Variants in DYNC1I1 observed in about 807,000 individuals in gnomAD.
DYNC1I1 encodes the protein cytoplasmic dynein 1 intermediate chain 1.
Under a neutral mutation model 86.6 loss-of-function variants are expected in DYNC1I1, and 43 were observed. That is an observed-to-expected ratio of 0.50 (90% CI 0.39 to 0.64). DYNC1I1 has a LOEUF of 0.64. DYNC1I1 is among the 30% of genes least tolerant of loss of function. The pLI, the probability that DYNC1I1 is intolerant of heterozygous loss-of-function variation, is 0.00. For missense variants in DYNC1I1, 604 were observed against 788.8 expected (o/e 0.77, Z 2.81); for synonymous variants, 262 against 283.7 (o/e 0.92, Z 0.77).
At chr7:96,043,896 G>A (rs1789132177) in intron 14 of DYNC1I1, among the ~76,000 whole-genome samples, 1 of 151,994 alleles carries the variant, frequency 6.6e-6, no homozygotes, top group Non-Finnish European at 1.5e-5. Flanking sequence ...TTTTAGTAGA[G>A]ATGGGGTTTC....
Position 96,079,233 on chromosome 7 carries a change from G to A in DYNC1I1, c.1651-1130G>A, listed in dbSNP as rs1271055840. The stretch of plus-strand genomic sequence containing the variant: ...AATAACAAAATGCCGGTGGTGCTAA[G>A]CCACAGTACATGTTGTGTTTCCATT... On this transcript the variant is annotated intron_variant, in intron 15 of 16. Coordinates refer to ENST00000447467, the MANE Select transcript of DYNC1I1 (RefSeq NM_001135556.2). Among the ~76,000 whole-genome samples the A allele has an allele frequency of 3.3e-5, 5 of 152,192 alleles. No homozygotes were observed. The East Asian group carries it at 9.7e-4, about 29-fold the overall frequency.
chr7:95,912,036 C>T (rs1291589343), intron 6 of DYNC1I1, among the ~76,000 whole-genome samples: 1 of 151,896 alleles, frequency 6.6e-6, no homozygotes, highest in Non-Finnish European at 1.5e-5. Flanking sequence ...ACTTGAACAT[C>T]ATTTTTTTTT....
At chr7:96,060,459 G>A (rs1025856165) in intron 14 of DYNC1I1, among the ~76,000 whole-genome samples, 1 of 152,180 alleles carries the variant, frequency 6.6e-6, no homozygotes, top group African/African-American at 2.4e-5. Context: ...CCCTCAAGAA[G>A]GAAACCCACA....
intron 5 of DYNC1I1, among the ~76,000 whole-genome samples, chr7:95,828,439 C>T (rs1189235137): frequency 2.0e-5 from 3 of 152,132 alleles, no homozygotes; most frequent in African/African-American, 7.2e-5. Flanking sequence ...ATATGTTTGG[C>T]TTTATCATCA....
At chr7:95,905,688 C>A (rs1208247327) in intron 6 of DYNC1I1, among the ~76,000 whole-genome samples, 2 of 150,982 alleles carry the variant, frequency 1.3e-5, no homozygotes, top group African/African-American at 4.9e-5. Context: ...ACTAACGCCC[C>A]ATTGTGTCTG....
intron 14 of DYNC1I1, among the ~76,000 whole-genome samples, chr7:96,053,759 G>A (rs145077332): frequency 7.6e-4 from 116 of 151,840 alleles, no homozygotes; most frequent in African/African-American, 2.6e-3. Context: ...TTTTAGAATA[G>A]GATATTGCTT....
intron 14 of DYNC1I1, among the ~76,000 whole-genome samples, chr7:96,069,036 T>A (rs547843200): frequency 1.3e-5 from 2 of 152,260 alleles, no homozygotes; most frequent in Admixed American, 6.5e-5. Flanking sequence ...TTCCAGGCCC[T>A]GATACAACCA....
At chr7:96,012,935 T>A (rs1159043653) in intron 10 of DYNC1I1, among the ~76,000 whole-genome samples, 1 of 152,100 alleles carries the variant, frequency 6.6e-6, no homozygotes, top group African/African-American at 2.4e-5. Flanking sequence ...CAGGTGGTGT[T>A]TGCTTACATG....
intron 14 of DYNC1I1, among the ~76,000 whole-genome samples, chr7:96,075,232 T>C (rs368977712): frequency 6.7e-4 from 102 of 152,220 alleles, no homozygotes; most frequent in African/African-American, 2.4e-3. Context: ...CATTTTAATT[T>C]ATTGTATCCC....
intron 2 of DYNC1I1, 86 bp from the exon 3 acceptor site, chr7:95,810,306 C>A (rs1237518306): frequency 3.8e-6 from 4 of 1,060,472 alleles, no homozygotes; most frequent in Non-Finnish European, 5.4e-6. Context: ...GTCTTCACTG[C>A]CATGCATTTA....
At chr7:96,086,773 A>G (rs1584311615) in intron 16 of DYNC1I1, among the ~76,000 whole-genome samples, 1 of 152,330 alleles carries the variant, frequency 6.6e-6, no homozygotes, top group Admixed American at 6.5e-5. Flanking sequence ...ATGATTTTAA[A>G]TGTCCATTTG....
intron 13 of DYNC1I1, among the ~76,000 whole-genome samples, chr7:96,036,198 A>G (rs1340874290): frequency 6.6e-6 from 1 of 152,148 alleles, no homozygotes; most frequent in African/African-American, 2.4e-5. Flanking sequence ...AGATCATTCC[A>G]TGTGAAACAT....
At chr7:96,015,900 T>G (rs1371847609) in intron 10 of DYNC1I1, among the ~76,000 whole-genome samples, 1 of 152,238 alleles carries the variant, frequency 6.6e-6, no homozygotes, top group Admixed American at 6.5e-5. Context: ...TAAATCCAGT[T>G]TTTCCAAGTT....
At position 96,076,120 on chromosome 7, in the gene DYNC1I1, C is replaced by T; in HGVS notation, c.1573C>T (p.Pro525Ser). The T allele has an allele frequency of 6.2e-7, 1 of 1,614,150 alleles. No individual in the cohort carries two copies. Among genetic ancestry groups the T allele is most frequent in the Non-Finnish European group, 8.5e-7 (1 of 1,180,022 alleles). ...CTATGTGTACGATGTCATGTGGTCC[C>T]CCGTGCATCCTGCGCTTTTTGCCTG... ...ADYVYDVMWS[P>S]VHPALFACVD... The change falls in exon 15 of 17, where the codon CCC (proline) becomes TCC (serine). Residue 525 changes from proline to serine, a missense_variant. Transcript: ENST00000447467.
chr7:95,917,470 A>G (rs1261341566), intron 6 of DYNC1I1, among the ~76,000 whole-genome samples: 1 of 152,154 alleles, frequency 6.6e-6, no homozygotes, highest in Non-Finnish European at 1.5e-5. Context: ...AGCTCTCCCG[A>G]GTACCCTTCC....
At chr7:95,913,919 G>A (rs1436850669) in intron 6 of DYNC1I1, among the ~76,000 whole-genome samples, 1 of 152,220 alleles carries the variant, frequency 6.6e-6, no homozygotes, top group Non-Finnish European at 1.5e-5. Context: ...CAGGGCTGAG[G>A]ATATCAGTTG....
At chr7:96,048,292 A>C (rs1234258922) in intron 14 of DYNC1I1, among the ~76,000 whole-genome samples, 1 of 152,210 alleles carries the variant, frequency 6.6e-6, no homozygotes, top group Non-Finnish European at 1.5e-5. Flanking sequence ...GGAATCTCTT[A>C]CAGGAATCTC....
chr7:96,107,869 G>GTT (rs1178550637), intron 16 of DYNC1I1, among the ~76,000 whole-genome samples: 1,346 of 118,904 alleles, frequency 0.011, 25 homozygotes, highest in African/African-American at 0.025. Flanking sequence ...TCATTGACAG[G>GTT]TTTTTTTTTT....
At chr7:95,959,077 G>C (rs890051533) in intron 6 of DYNC1I1, among the ~76,000 whole-genome samples, 3 of 152,154 alleles carry the variant, frequency 2.0e-5, no homozygotes, top group African/African-American at 7.2e-5. Flanking sequence ...GAATAAAGAA[G>C]CAAAATCAAG....
Sources: gnomAD v4.1 joint callset for allele counts (sites outside exome capture counted in the v4.1 genomes callset) on GRCh38, gnomAD v4.1.1 for gene constraint, MANE v1.5 for transcripts, NCBI Gene and HGNC (gene_info 2026-07-23, HGNC 2026-07-21) for gene names.